CYP7B1: variants seen among roughly 807,000 people sequenced by gnomAD.
CYP7B1 encodes cytochrome P450 7B1.
A neutral mutation model predicts 42.7 loss-of-function variants in CYP7B1; 29 were observed. The observed-to-expected ratio is 0.68, with a 90% confidence interval of 0.51 to 0.93. CYP7B1 has a LOEUF of 0.93. Among genes scored for constraint, CYP7B1 ranks in the 40% least tolerant of loss-of-function variants. CYP7B1 has a pLI of 0.00. For synonymous variants in CYP7B1, 235 were observed against 218.2 expected (o/e 1.08, Z -0.68); for missense variants, 655 against 600.5 (o/e 1.09, Z -0.95).
chr8:64,697,501 T>A (rs1337004154), intron 1 of CYP7B1, among the ~76,000 whole-genome samples: 4 of 152,072 alleles, frequency 2.6e-5, no homozygotes, highest in African/African-American at 9.7e-5. Flanking sequence ...AGGCACAGAG[T>A]CAGCATTCGT....
At chr8:64,636,095 C>T (rs1048057212) in intron 1 of CYP7B1, among the ~76,000 whole-genome samples, 11 of 152,156 alleles carry the variant, frequency 7.2e-5, no homozygotes, top group African/African-American at 1.9e-4. Flanking sequence ...GCCCCACAAA[C>T]GATGAATGAC....
chr8:64,718,703 C>T (rs183860970), intron 1 of CYP7B1, among the ~76,000 whole-genome samples: 1 of 152,286 alleles, frequency 6.6e-6, no homozygotes, highest in East Asian at 1.9e-4. Flanking sequence ...TTCCTGTGGG[C>T]AGAGTGGTCC....
chr8:64,757,112 T>C (rs1215914892), intron 1 of CYP7B1, among the ~76,000 whole-genome samples: 3 of 152,196 alleles, frequency 2.0e-5, no homozygotes, highest in Admixed American at 6.5e-5. Context: ...AGGAAGCCCT[T>C]CTGGTTTTGC....
At chr8:64,728,974 C>T (rs1320583054) in intron 1 of CYP7B1, 1 of 152,154 alleles carries the variant, frequency 6.6e-6, no homozygotes, top group African/African-American at 2.4e-5. Context: ...GCCTGAGGAA[C>T]ATGGCAAAAC....
intron 1 of CYP7B1, among the ~76,000 whole-genome samples, chr8:64,785,014 T>C (rs568139348): frequency 9.3e-4 from 142 of 152,262 alleles, no homozygotes; most frequent in Admixed American, 2.0e-3. Context: ...AATTCAATGA[T>C]AAGAAAACAA....
At chr8:64,764,132 C>T (rs1310349043) in intron 1 of CYP7B1, among the ~76,000 whole-genome samples, 1 of 152,124 alleles carries the variant, frequency 6.6e-6, no homozygotes, top group African/African-American at 2.4e-5. Flanking sequence ...TTCCCCACCA[C>T]TCTTGCCAGG....
At chr8:64,668,154 G>C (rs988448809) in intron 1 of CYP7B1, among the ~76,000 whole-genome samples, 1 of 152,148 alleles carries the variant, frequency 6.6e-6, no homozygotes, top group Non-Finnish European at 1.5e-5. Context: ...GACATGCCAC[G>C]TTCTATGGGT....
chr8:64,700,984 T>C (rs1425692572), intron 1 of CYP7B1, among the ~76,000 whole-genome samples: 1 of 152,074 alleles, frequency 6.6e-6, no homozygotes, highest in Non-Finnish European at 1.5e-5. Flanking sequence ...TGATATCAAA[T>C]CTTTTTTGCT....
intron 1 of CYP7B1, among the ~76,000 whole-genome samples, chr8:64,739,315 C>G (rs1807535600): frequency 6.6e-6 from 1 of 152,176 alleles, no homozygotes; most frequent in African/African-American, 2.4e-5. Flanking sequence ...ATTAGCAGGA[C>G]TCTGGTATAA....
At chr8:64,736,684 C>G (rs778990209) in intron 1 of CYP7B1, among the ~76,000 whole-genome samples, 12 of 151,932 alleles carry the variant, frequency 7.9e-5, no homozygotes, top group African/African-American at 2.9e-4. Context: ...CTCCTGACCT[C>G]GTGATCCTCC....
chr8:64,718,970 C>A (rs1032753528), intron 1 of CYP7B1, among the ~76,000 whole-genome samples: 4 of 152,276 alleles, frequency 2.6e-5, no homozygotes, highest in African/African-American at 9.6e-5. Flanking sequence ...GTAGTGGCTT[C>A]TAACATATAT....
intron 1 of CYP7B1, among the ~76,000 whole-genome samples, chr8:64,765,860 C>A (rs556654967): frequency 3.9e-5 from 6 of 152,218 alleles, no homozygotes; most frequent in Admixed American, 2.6e-4. Context: ...AGACTTGAAG[C>A]AAATTAAAAT....
At chr8:64,722,457 TA>T (rs1354234760) in intron 1 of CYP7B1, among the ~76,000 whole-genome samples, 11 of 152,298 alleles carry the variant, frequency 7.2e-5, no homozygotes, top group Non-Finnish European at 1.3e-4. Flanking sequence ...CATTAGATGA[TA>T]AATACCTTTC....
At chr8:64,792,843 A>G (rs1422627109) in intron 1 of CYP7B1, among the ~76,000 whole-genome samples, 3 of 152,148 alleles carry the variant, frequency 2.0e-5, no homozygotes, top group Admixed American at 1.3e-4. Flanking sequence ...TTTTGGGTCT[A>G]TTTGGGATGG....
chr8:64,747,769 C>T (rs1807666743), intron 1 of CYP7B1, among the ~76,000 whole-genome samples: 2 of 152,150 alleles, frequency 1.3e-5, no homozygotes, highest in South Asian at 4.1e-4. Flanking sequence ...GGGCTCTTGG[C>T]TGGAATAAAT....
At chr8:64,769,563 G>T (rs1429807141) in intron 1 of CYP7B1, among the ~76,000 whole-genome samples, 1 of 152,020 alleles carries the variant, frequency 6.6e-6, no homozygotes, top group Non-Finnish European at 1.5e-5. Context: ...AAGCCTCCAT[G>T]CCCAATTAAA....
intron 2 of CYP7B1, among the ~76,000 whole-genome samples, chr8:64,621,734 A>AT (rs201366655): frequency 0.1 from 13,287 of 132,592 alleles, 931 homozygotes; most frequent in Non-Finnish European, 0.15. Flanking sequence ...AATGCATACA[A>AT]TTTTTTTTTT....
At chr8:64,740,575 C>A (rs1447948525) in intron 1 of CYP7B1, among the ~76,000 whole-genome samples, 1 of 148,088 alleles carries the variant, frequency 6.8e-6, no homozygotes, top group Non-Finnish European at 1.5e-5. Flanking sequence ...TTGAAAATAT[C>A]AATAAATTTG....
intron 1 of CYP7B1, among the ~76,000 whole-genome samples, chr8:64,797,665 C>G (rs1291546593): frequency 6.6e-6 from 1 of 152,154 alleles, no homozygotes; most frequent in African/African-American, 2.4e-5. Context: ...TACATTGATA[C>G]ATATGTATGC....
Sources: gnomAD v4.1 joint callset for allele counts (sites outside exome capture counted in the v4.1 genomes callset) on GRCh38, gnomAD v4.1.1 for gene constraint, MANE v1.5 for transcripts, NCBI Gene and HGNC (gene_info 2026-07-23, HGNC 2026-07-21) for gene names.